The following GAPDHS variants were observed in gnomAD, a reference collection of about 807,000 sequenced individuals.
GAPDHS encodes the protein glyceraldehyde-3-phosphate dehydrogenase, testis-specific.
Under a neutral mutation model 48.7 loss-of-function variants are expected in GAPDHS, and 42 were observed. The observed-to-expected ratio is 0.86, with a 90% confidence interval of 0.67 to 1.12. The LOEUF is 1.12. Among genes scored for constraint, GAPDHS ranks in the 50% most tolerant of loss-of-function variants. The probability of loss-of-function intolerance (pLI) is 0.00; values close to 1 mark genes in which losing one functional copy is unlikely to be tolerated. For synonymous variants in GAPDHS, 166 were observed against 219.1 expected, an observed-to-expected ratio of 0.76 and a Z score of 2.14; for missense variants, 512 against 557.7, an observed-to-expected ratio of 0.92 and a Z score of 0.82.
At chr19:35,539,838 A>G (rs2071489740) in intron 4 of GAPDHS, among the ~76,000 whole-genome samples, 1 of 152,216 alleles carries the variant, frequency 6.6e-6, no homozygotes, top group Non-Finnish European at 1.5e-5. Context: ...GTTATCACGC[A>G]GACTTCAACG....
At chr19:35,534,192 C>T (rs111927439) in intron 1 of GAPDHS, among the ~76,000 whole-genome samples, 20,808 of 150,830 alleles carry the variant, frequency 0.14, 1,997 homozygotes, top group East Asian at 0.37. Flanking sequence ...CCCGCGCGCG[C>T]GCACACACAC....
In GAPDHS at chr19:35,543,683, G is replaced by C; in HGVS notation, c.912G>C (p.Ala304=). The C allele has an allele frequency of 6.2e-7, 1 of 1,613,880 alleles. No homozygotes were observed. The highest frequency in any genetic ancestry group is 8.5e-7 in the Non-Finnish European group (1 of 1,179,892). The part of the protein sequence containing the change: ...PELKGKLTGM[A]FRVPTPDVSV... ...TCTCCAGGAAGCTGACAGGGATGGCGTTCCGGGTACCAACCCCGGATGTGT... is the reference window on the plus strand; with the variant it reads ...TCTCCAGGAAGCTGACAGGGATGGCCTTCCGGGTACCAACCCCGGATGTGT... Residue 304 remains alanine, a synonymous_variant, in exon 9 of 11, where the codon GCG becomes GCC. Transcript: ENST00000222286.
rs570914338 is a variant in GAPDHS, at chr19:35,544,562, A to C, written c.1057-347A>C. On this transcript the variant is annotated intron_variant, in intron 9 of 10. Coordinates refer to ENST00000222286, the MANE Select transcript of GAPDHS (RefSeq NM_014364.5). ...CCTCAGACACTGTGCTGAGGGCCCCAGCCGGTCAGATCTTTCTAGTCATCT... is the reference window on the plus strand; with the variant it reads ...CCTCAGACACTGTGCTGAGGGCCCCCGCCGGTCAGATCTTTCTAGTCATCT... The C allele has an allele frequency of 1.0e-4, 31 of 309,526 alleles. No individual in the cohort carries two copies. In the South Asian group the frequency reaches 1.3e-3, roughly 13 times the overall value. The allele number at this position is 309,526 out of a possible 1,614,324, so 19.2% of individuals were successfully genotyped here.
intron 9 of GAPDHS, chr19:35,544,052 C>T (rs572190420): frequency 3.2e-5 from 21 of 666,626 alleles, no homozygotes; most frequent in Middle Eastern, 4.6e-4. Context: ...TCTGGAGGAA[C>T]CTCCCTCTTC....
chr19:35,539,301 T>C (rs965678356), intron 4 of GAPDHS, among the ~76,000 whole-genome samples: 1 of 152,242 alleles, frequency 6.6e-6, no homozygotes, highest in Non-Finnish European at 1.5e-5. Flanking sequence ...TGACCACTGC[T>C]GGTCAACTAT....
intron 8 of GAPDHS, 66 bp from the exon 9 acceptor site, chr19:35,543,599 G>A: frequency 6.3e-7 from 1 of 1,588,374 alleles, no homozygotes; most frequent in South Asian, 1.2e-5. Flanking sequence ...CCAGCCACAG[G>A]GAAAGGGGGA....
At chr19:35,538,463 G>A in intron 3 of GAPDHS, 60 bp downstream of exon 3, 1 of 1,297,904 alleles carries the variant, frequency 7.7e-7, no homozygotes, top group Non-Finnish European at 1.1e-6. Context: ...AAGGGACTCA[G>A]GGAAGCTGTA....
At position 35,538,381 on chromosome 19, in the gene GAPDHS, C is replaced by A; in HGVS notation, c.320C>A (p.Pro107Gln). Residue 107 changes from proline to glutamine, a missense_variant, in exon 3 of 11, where the codon CCA (proline) becomes CAA (glutamine). Coordinates refer to ENST00000222286, the MANE Select transcript of GAPDHS (RefSeq NM_014364.5). ...GTTAAGGTGGTGGCTGTGAATGATC[C>A]ATTCATTGACCCGGAATACATGGTC... is the stretch of plus-strand genomic sequence containing the variant. ...KGVKVVAVND[P>Q]FIDPEYMVYM... The A allele has an allele frequency of 6.3e-7, 1 of 1,595,030 alleles. No individual in the cohort carries two copies. Among genetic ancestry groups the A allele is most frequent in the Non-Finnish European group, 8.6e-7 (1 of 1,167,336 alleles).
At position 35,544,985 on chromosome 19, in the gene GAPDHS, A is replaced by C; in HGVS notation, c.1133A>C (p.Asn378Thr). Residue 378 changes from asparagine to threonine, a missense_variant, in exon 10 of 11, where the codon AAT becomes ACT. Physicochemically the swap from Asn to Thr is moderately conservative, Grantham distance 65. Coordinates refer to ENST00000222286, the MANE Select transcript of GAPDHS (RefSeq NM_014364.5). Reference protein sequence around the residue: ...DAKAGIALNDNFVKLISWYDN... With the variant: ...DAKAGIALNDTFVKLISWYDN... ...AAGGCCGGCATTGCGCTCAATGACA[A>C]TTTCGTGAAGCTCATTTCATGGTAA... 3 of 1,613,670 alleles carry C rather than the reference A, an allele frequency of 1.9e-6. No homozygotes were observed. The highest frequency in any genetic ancestry group is 2.5e-6 in the Non-Finnish European group (3 of 1,179,586).
intron 1 of GAPDHS, 72 bp from the exon 2 acceptor site, chr19:35,536,740 TG>T: frequency 7.7e-7 from 1 of 1,305,114 alleles, no homozygotes; most frequent in Non-Finnish European, 1.1e-6. Flanking sequence ...CAACAGATTC[TG>T]GGCAGCAAAG....
chr19:35,536,991 G>A lies in GAPDHS; in HGVS notation c.245+1G>A, dbSNP rs1452906401. ...GGGAGCTGACTGTGGGCATCAATGGGTGAGTCTACTCCAGCCCCTGATCAG... is the reference window on the plus strand; with the variant it reads ...GGGAGCTGACTGTGGGCATCAATGGATGAGTCTACTCCAGCCCCTGATCAG... On this transcript the variant is annotated splice_donor_variant, in intron 2 of 10. Coordinates refer to ENST00000222286, the MANE Select transcript of GAPDHS (RefSeq NM_014364.5). LOFTEE classifies it high-confidence loss of function. 1.9e-6 allele frequency: 3 copies of A among 1,612,410 alleles called. No individual in the cohort carries two copies. The highest frequency in any genetic ancestry group is 1.7e-6 in the Non-Finnish European group (2 of 1,178,966).
In GAPDHS at chr19:35,533,565, T is replaced by C. The variant is rs774679463; in HGVS notation, c.38T>C (p.Val13Ala). ...KRDIVLTNVTVVQLLRQPCPV... is the reference protein window; with the variant it reads ...KRDIVLTNVTAVQLLRQPCPV... ...GACATCGTCCTCACCAATGTCACCG[T>C]TGTCCAGTTGCTGCGACAGCCGTGC... Residue 13 changes from valine to alanine, a missense_variant, in exon 1 of 11, where the codon GTT becomes GCT. Transcript: ENST00000222286. 5 of 1,613,258 alleles carry C rather than the reference T, an allele frequency of 3.1e-6. No individual in the cohort carries two copies. The South Asian group carries it at 5.5e-5, about 18-fold the overall frequency.
Position 35,536,915 on chromosome 19 carries a change from C to T in GAPDHS, c.170C>T (p.Pro57Leu), listed in dbSNP as rs956589056. 35 of 1,614,022 alleles carry T rather than the reference C, an allele frequency of 2.2e-5. No individual in the cohort carries two copies. The African/African-American group carries it at 2.8e-4, about 13-fold the overall frequency. Residue 57 changes from proline to leucine, a missense_variant, in exon 2 of 11, where the codon CCA becomes CTA. Physicochemically the swap from Pro to Leu is moderately conservative, Grantham distance 98 (BLOSUM62 -3). Coordinates refer to ENST00000222286, the MANE Select transcript of GAPDHS (RefSeq NM_014364.5). ...GAGGAAATAAAGCCACCACCGCCAC[C>T]ACTGCCTCCTCACCCCGCTACTCCT... The part of the protein sequence containing the change: ...VREEIKPPPP[P>L]LPPHPATPPP...
chr19:35,539,908 C>T (rs575291354), intron 4 of GAPDHS, among the ~76,000 whole-genome samples: 3 of 152,338 alleles, frequency 2.0e-5, no homozygotes, highest in Middle Eastern at 3.4e-3. Flanking sequence ...CTGCCCCCTC[C>T]GTCCACGGTC....
chr19:35,537,896 C>T (rs1189820213), intron 2 of GAPDHS, among the ~76,000 whole-genome samples: 2 of 152,098 alleles, frequency 1.3e-5, no homozygotes, highest in African/African-American at 4.8e-5. Context: ...GCCAACATGG[C>T]AAAACCCCGT....
intron 4 of GAPDHS, chr19:35,541,248 G>A (rs758770907): frequency 2.0e-5 from 3 of 151,806 alleles, no homozygotes; most frequent in African/African-American, 7.3e-5. Context: ...TTGAGCCCAG[G>A]GGTTCTAAAG....
At chr19:35,541,898 T>G (rs1600133281) in intron 4 of GAPDHS, 1 of 203,912 alleles carries the variant, frequency 4.9e-6, no homozygotes, top group Non-Finnish European at 1.0e-5. Context: ...GAGCTGAGGG[T>G]CTAGGAGGGT....
intron 2 of GAPDHS, 75 bp from the exon 3 acceptor site, chr19:35,538,232 C>A: frequency 9.8e-7 from 1 of 1,023,636 alleles, no homozygotes; most frequent in Non-Finnish European, 1.5e-6. Context: ...TAAGGATTCC[C>A]AACCAGGCTC....
chr19:35,535,067 A>C (rs1316732021), intron 1 of GAPDHS, among the ~76,000 whole-genome samples: 1 of 152,182 alleles, frequency 6.6e-6, no homozygotes, highest in African/African-American at 2.4e-5. Context: ...GTGGGGGATC[A>C]GCCCCAAGAG....
Sources: gnomAD v4.1 joint callset for allele counts (sites outside exome capture counted in the v4.1 genomes callset) on GRCh38, gnomAD v4.1.1 for gene constraint, MANE v1.5 for transcripts, NCBI Gene and HGNC (gene_info 2026-07-23, HGNC 2026-07-21) for gene names.